SLC5A10: variants seen among roughly 807,000 people sequenced by gnomAD.
SLC5A10 encodes sodium/mannose cotransporter SLC5A10.
SLC5A10 carries 55 observed loss-of-function variants against 68.9 expected under a neutral mutation model. That is an observed-to-expected ratio of 0.80 (90% CI 0.64 to 1.00). The LOEUF is 1.00. SLC5A10 is among the 50% of genes least tolerant of loss of function. The pLI is 0.00. For missense variants in SLC5A10, 732 were observed against 819.3 expected (o/e 0.89, Z 1.30); for synonymous variants, 344 against 344.8 (o/e 1.00, Z 0.02).
chr17:18,967,397 G>A (rs1028467103), intron 5 of SLC5A10, among the ~76,000 whole-genome samples: 1 of 152,226 alleles, frequency 6.6e-6, no homozygotes, highest in African/African-American at 2.4e-5. Flanking sequence ...TGTACTCGAG[G>A]AGCAGAGGGG....
intron 8 of SLC5A10, among the ~76,000 whole-genome samples, chr17:18,974,383 A>G (rs1814467173): frequency 6.6e-6 from 1 of 152,228 alleles, no homozygotes; most frequent in African/African-American, 2.4e-5. Flanking sequence ...CCAGTAACAA[A>G]GAGGCAAAGG....
Position 18,989,593 on chromosome 17 carries a change from A to G in SLC5A10, c.982+12604A>G, listed in dbSNP as rs78601903. On this transcript the variant is annotated intron_variant, in intron 9 of 14. Coordinates refer to ENST00000395645, the MANE Select transcript of SLC5A10 (RefSeq NM_001042450.4). The stretch of plus-strand genomic sequence containing the variant: ...TTTTCTCATCAGTATAGCATGCTCC[A>G]TCTCTCAGGAGAATGGAGCACACCT... Among the ~76,000 whole-genome samples, 179 of 152,302 alleles carry G rather than the reference A, an allele frequency of 1.2e-3. 1 individual carries two copies. Among genetic ancestry groups the G allele is most frequent in the Middle Eastern group, 3.4e-3 (1 of 294 alleles).
intron 9 of SLC5A10, among the ~76,000 whole-genome samples, chr17:18,983,679 A>G (rs2043193506): frequency 6.6e-6 from 1 of 152,156 alleles, no homozygotes; most frequent in African/African-American, 2.4e-5. Context: ...ACTCTCCTCT[A>G]CAGGGCCTGT....
upstream of SLC5A10, chr17:18,951,794 T>A (rs185261914): frequency 1.4e-3 from 242 of 173,708 alleles, 3 homozygotes; most frequent in Admixed American, 0.013. Context: ...TCTTCAGAGG[T>A]GAGGCGGTTG....
intron 9 of SLC5A10, among the ~76,000 whole-genome samples, chr17:18,994,028 C>T (rs992444860): frequency 1.3e-5 from 2 of 152,164 alleles, no homozygotes; most frequent in Non-Finnish European, 2.9e-5. Flanking sequence ...AGGCCAGCAG[C>T]GTCTCACTAC....
rs200439128 is a variant in SLC5A10, at chr17:18,988,351, C to T, written c.982+11362C>T. The stretch of plus-strand genomic sequence containing the variant: ...TACACGGCCACTTTCCTCTTGAAGC[C>T]GGCGTCCAGCAGGTCCTTGAAGATG... On this transcript the variant is annotated intron_variant, in intron 9 of 14. Transcript: ENST00000395645. 39 of 1,614,204 alleles carry T rather than the reference C, an allele frequency of 2.4e-5. No individual in the cohort carries two copies. In the African/African-American group the frequency reaches 3.7e-4, roughly 15 times the overall value.
intron 9 of SLC5A10, among the ~76,000 whole-genome samples, chr17:18,982,508 C>T (rs1273062735): frequency 6.6e-6 from 1 of 152,200 alleles, no homozygotes; most frequent in Non-Finnish European, 1.5e-5. Context: ...AAGAGGGGTG[C>T]CCTGGAAAAG....
intron 1 of SLC5A10, 152 bp downstream of exon 1, chr17:18,952,468 C>T (rs776120631): frequency 1.1e-5 from 10 of 933,412 alleles, no homozygotes; most frequent in Non-Finnish European, 1.6e-5. Context: ...CTGGGGTAGA[C>T]TTGCTTGGAG....
intron 9 of SLC5A10, among the ~76,000 whole-genome samples, chr17:18,990,043 C>G (rs1190069990): frequency 1.3e-5 from 2 of 152,192 alleles, no homozygotes; most frequent in Non-Finnish European, 2.9e-5. Context: ...ATGACTGCTC[C>G]CTATCTCTCT....
chr17:18,969,641 G>C (rs535925613), intron 7 of SLC5A10: 4 of 502,316 alleles, frequency 8.0e-6, no homozygotes, highest in South Asian at 3.4e-5. Flanking sequence ...CTGCTGCCCC[G>C]CTGTTACCAG....
rs1009576800 is a variant in SLC5A10 at position 19,004,423 on chromosome 17, G to A, written c.983-8987G>A. 7.9e-5 allele frequency among the ~76,000 whole-genome samples: 12 copies of A among 152,292 alleles called. No individual in the cohort carries two copies. The highest frequency in any genetic ancestry group is 4.8e-5 in the African/African-American group (2 of 41,578). ...CAGGGAACCCATATCCCAGATTTCC[G>A]GAGCTGCCTGAAGTCCTCGCAACTT... On this transcript the variant is annotated intron_variant, in intron 9 of 14. Coordinates refer to ENST00000395645, the MANE Select transcript of SLC5A10 (RefSeq NM_001042450.4). The surrounding 1 kb of genome is among the most constrained non-coding windows in gnomAD (Gnocchi z 5.4).
chr17:19,000,857 G>A lies in SLC5A10; in HGVS notation c.983-12553G>A, dbSNP rs1036455902. Among the ~76,000 whole-genome samples the A allele has an allele frequency of 2.0e-5, 3 of 152,156 alleles. No individual in the cohort carries two copies. The highest frequency in any genetic ancestry group is 4.8e-5 in the African/African-American group (2 of 41,436). On this transcript the variant is annotated intron_variant, in intron 9 of 14. Coordinates refer to ENST00000395645, the MANE Select transcript of SLC5A10 (RefSeq NM_001042450.4). The surrounding 1 kb of genome is among the most constrained non-coding windows in gnomAD (Gnocchi z 5.2). ...AGGAAGCAGGCAGACAAAGCGCCCC[G>A]TCAGCATCCGTCAGTGTCCGGGCCC...
rs1184876294 is a variant in SLC5A10, at chr17:18,969,257, C to T, written c.560-85C>T. On this transcript the variant is annotated intron_variant, in intron 6 of 14. Transcript: ENST00000395645. ...CCGAGGGAGCAGCCCAGGAAGTGGC[C>T]CCAGCAGGAGCCCCAGAAGTTCCTC... is the stretch of plus-strand genomic sequence containing the variant. 14 of 1,576,154 alleles carry T rather than the reference C, an allele frequency of 8.9e-6. No individual in the cohort carries two copies. The Admixed American group carries it at 1.5e-4, about 17-fold the overall frequency.
At chr17:18,967,688 G>A (rs117511351) in intron 5 of SLC5A10, among the ~76,000 whole-genome samples, 1 of 152,254 alleles carries the variant, frequency 6.6e-6, no homozygotes, top group Non-Finnish European at 1.5e-5. Flanking sequence ...GCTCCCTCTC[G>A]GCCTTCCCTC....
Position 18,962,787 on chromosome 17 carries a change from G to T in SLC5A10, c.453+2135G>T, listed in dbSNP as rs73981221. Among the ~76,000 whole-genome samples, 1,371 of 152,276 alleles carry T rather than the reference G, an allele frequency of 9.0e-3. 14 individuals carry two copies. The highest frequency in any genetic ancestry group is 0.032 in the African/African-American group (1,318 of 41,554). Reference sequence around the variant, plus strand: ...AGGCTTGTGAGGAGGCCCCAGGTAGGTCTGGTGAGGGAGGGAGACTGAGCC... The same window carrying T: ...AGGCTTGTGAGGAGGCCCCAGGTAGTTCTGGTGAGGGAGGGAGACTGAGCC... On this transcript the variant is annotated intron_variant, in intron 5 of 14. Coordinates refer to ENST00000395645, the MANE Select transcript of SLC5A10 (RefSeq NM_001042450.4).
intron 9 of SLC5A10, among the ~76,000 whole-genome samples, chr17:18,998,548 G>T (rs555934974): frequency 6.6e-6 from 1 of 152,348 alleles, no homozygotes; most frequent in East Asian, 1.9e-4. Flanking sequence ...CCTGGCTCTT[G>T]GGGTTGTGGG....
intron 10 of SLC5A10, among the ~76,000 whole-genome samples, chr17:19,014,270 C>T (rs987176595): frequency 2.0e-5 from 3 of 152,208 alleles, no homozygotes; most frequent in African/African-American, 7.2e-5. Context: ...TGAAGCCACA[C>T]AGCACAGAGT....
At position 19,000,021 on chromosome 17, in the gene SLC5A10, C is replaced by T. The variant is rs375135676; in HGVS notation, c.983-13389C>T. On this transcript the variant is annotated intron_variant, in intron 9 of 14. Transcript: ENST00000395645. This position sits in a 1 kb window ranked among gnomAD's most constrained non-coding sequence, Gnocchi z 5.2. ...CCAGCTCTGGCTGAGGAAGCCCCAA[C>T]CCAGCCCAGCCTCACGCCTTCTCAG... is the stretch of plus-strand genomic sequence containing the variant. Among the ~76,000 whole-genome samples the T allele has an allele frequency of 8.5e-5, 13 of 152,376 alleles. No individual in the cohort carries two copies. The East Asian group carries it at 1.2e-3, about 14-fold the overall frequency.
rs2042631387 is a variant in SLC5A10, at chr17:18,962,541, C to T, written c.453+1889C>T. ...ACAGGCCCGTGTGCCACATTTGCCT[C>T]TCGGCTGCCAGTTTTCAGGGTCTGG... is the stretch of plus-strand genomic sequence containing the variant. On this transcript the variant is annotated intron_variant, in intron 5 of 14. Coordinates refer to ENST00000395645, the MANE Select transcript of SLC5A10 (RefSeq NM_001042450.4). Among the ~76,000 whole-genome samples the T allele has an allele frequency of 1.3e-5, 2 of 152,138 alleles. 1 individual carries two copies. The highest frequency in any genetic ancestry group is 4.8e-5 in the African/African-American group (2 of 41,396).
Sources: allele counts gnomAD v4.1 joint callset (sites outside exome capture counted in the v4.1 genomes callset), GRCh38; gene constraint gnomAD v4.1.1; non-coding constraint Gnocchi (gnomAD v3.1); transcripts MANE v1.5; gene names NCBI Gene and HGNC (gene_info 2026-07-23, HGNC 2026-07-21).